The following DCC variants were observed in gnomAD, a reference collection of about 807,000 sequenced individuals.
The protein encoded by DCC is netrin receptor DCC.
A neutral mutation model predicts 172.5 loss-of-function variants in DCC; 58 were observed. That is an observed-to-expected ratio of 0.34 (90% CI 0.27 to 0.42). The LOEUF (loss-of-function observed/expected upper bound fraction) is 0.42. Among genes scored for constraint, DCC ranks in the 10% least tolerant of loss-of-function variants. The pLI is 1.00. For synonymous variants in DCC, 709 were observed against 644.5 expected (o/e 1.10, Z -1.52); for missense variants, 1,740 against 1,791.0 (o/e 0.97, Z 0.51).
At chr18:52,872,455 G>C in intron 2 of DCC, among the ~76,000 whole-genome samples, 1 of 152,200 alleles carries the variant, frequency 6.6e-6, no homozygotes, top group Middle Eastern at 3.4e-3. Flanking sequence ...TACGAATGCC[G>C]ATCTACCCCA....
intron 12 of DCC, among the ~76,000 whole-genome samples, chr18:53,266,624 T>C (rs900329017): frequency 1.3e-5 from 2 of 152,118 alleles, no homozygotes; most frequent in Non-Finnish European, 2.9e-5. Flanking sequence ...ACTCATAGAA[T>C]TGTGCAACCA....
chr18:53,220,112 AG>A (rs2055909276), intron 12 of DCC, among the ~76,000 whole-genome samples: 1 of 151,908 alleles, frequency 6.6e-6, no homozygotes, highest in Non-Finnish European at 1.5e-5. Flanking sequence ...GGAAGGGAGG[AG>A]ATGGGGAAAA....
chr18:53,099,223 C>T (rs1288788988), intron 7 of DCC, among the ~76,000 whole-genome samples: 3 of 152,004 alleles, frequency 2.0e-5, no homozygotes, highest in African/African-American at 4.8e-5. Flanking sequence ...GAAAGAAGAA[C>T]ATTTTCTTCC....
intron 3 of DCC, among the ~76,000 whole-genome samples, chr18:52,907,645 G>A (rs1332879301): frequency 6.6e-6 from 1 of 151,982 alleles, no homozygotes; most frequent in Non-Finnish European, 1.5e-5. Flanking sequence ...CAAACTCCTG[G>A]GCTCCAGCAA....
chr18:53,407,747 G>T (rs1446024151), intron 19 of DCC, among the ~76,000 whole-genome samples: 6 of 151,578 alleles, frequency 4.0e-5, no homozygotes, highest in Non-Finnish European at 1.5e-5. Context: ...CCAGTAGCAG[G>T]GTCTTCTTTT....
At chr18:53,236,329 G>A (rs2056202419) in intron 12 of DCC, among the ~76,000 whole-genome samples, 1 of 152,066 alleles carries the variant, frequency 6.6e-6, no homozygotes, top group Admixed American at 6.6e-5. Context: ...ATAACTAAAA[G>A]TGTTGAATAT....
intron 3 of DCC, among the ~76,000 whole-genome samples, chr18:52,917,661 T>A (rs1259383823): frequency 6.6e-6 from 1 of 152,188 alleles, no homozygotes; most frequent in Non-Finnish European, 1.5e-5. Context: ...TGGTTCCACA[T>A]TTTAAGGCAC....
chr18:52,926,964 GAT>G (rs34799526), intron 5 of DCC, among the ~76,000 whole-genome samples: 1 of 137,658 alleles, frequency 7.3e-6, no homozygotes, highest in Admixed American at 7.2e-5. Flanking sequence ...ACTATATATG[GAT>G]ATATATACAT....
At chr18:53,244,788 A>G (rs1275955614) in intron 12 of DCC, among the ~76,000 whole-genome samples, 4 of 152,104 alleles carry the variant, frequency 2.6e-5, no homozygotes, top group African/African-American at 7.2e-5. Context: ...AGAAGTCACA[A>G]TTTGGAATCT....
intron 1 of DCC, among the ~76,000 whole-genome samples, chr18:52,390,586 T>C (rs1161110980): frequency 6.6e-6 from 1 of 152,154 alleles, no homozygotes; most frequent in African/African-American, 2.4e-5. Flanking sequence ...GGCTTCCACC[T>C]TTTATGCTAC....
At chr18:52,388,507 C>CT (rs148032381) in intron 1 of DCC, among the ~76,000 whole-genome samples, 11,346 of 149,104 alleles carry the variant, frequency 0.076, 720 homozygotes, top group African/African-American at 0.17. Context: ...ATAAGTGCCA[C>CT]TTTTTTTTTT....
chr18:52,453,722 T>C (rs1388082529), intron 1 of DCC, among the ~76,000 whole-genome samples: 1 of 152,204 alleles, frequency 6.6e-6, no homozygotes, highest in Admixed American at 6.5e-5. Flanking sequence ...AAATTTCACA[T>C]ACGAGATTTT....
chr18:53,174,503 G>T (rs879795167), intron 8 of DCC, among the ~76,000 whole-genome samples: 3 of 147,356 alleles, frequency 2.0e-5, no homozygotes, highest in Non-Finnish European at 4.5e-5. Context: ...TATCACCACC[G>T]ATCCCACAGA....
intron 1 of DCC, among the ~76,000 whole-genome samples, chr18:52,506,875 G>C (rs1323260659): frequency 2.0e-5 from 3 of 152,126 alleles, no homozygotes; most frequent in Non-Finnish European, 2.9e-5. Context: ...TAAAGTGACA[G>C]TTGTTACGGA....
chr18:53,500,310 T>C (rs2046081296), intron 27 of DCC, among the ~76,000 whole-genome samples: 1 of 152,046 alleles, frequency 6.6e-6, no homozygotes, highest in Non-Finnish European at 1.5e-5. Context: ...AAATAAATAA[T>C]AGTACTTAAA....
chr18:53,084,598 C>G (rs988938077), intron 7 of DCC, among the ~76,000 whole-genome samples: 1 of 152,298 alleles, frequency 6.6e-6, no homozygotes, highest in South Asian at 2.1e-4. Context: ...CTAACTGGTT[C>G]CCAGCTTTGA....
chr18:52,407,265 T>C (rs1197444058), intron 1 of DCC, among the ~76,000 whole-genome samples: 1 of 152,098 alleles, frequency 6.6e-6, no homozygotes, highest in Admixed American at 6.6e-5. Flanking sequence ...CTTTGTACCT[T>C]AGCGTTGAAG....
chr18:52,948,471 T>G (rs116684171), intron 5 of DCC, among the ~76,000 whole-genome samples: 1 of 152,214 alleles, frequency 6.6e-6, no homozygotes, highest in African/African-American at 2.4e-5. Flanking sequence ...TACCGGATAC[T>G]GTGCAATATA....
chr18:52,845,555 C>G (rs1432799051), intron 2 of DCC, among the ~76,000 whole-genome samples: 1 of 152,158 alleles, frequency 6.6e-6, no homozygotes, highest in Admixed American at 6.5e-5. Context: ...AAACCTGGCA[C>G]CAGCATCAGG....
Sources: allele counts gnomAD v4.1 joint callset (sites outside exome capture counted in the v4.1 genomes callset), GRCh38; gene constraint gnomAD v4.1.1; transcripts MANE v1.5; gene names NCBI Gene and HGNC (gene_info 2026-07-23, HGNC 2026-07-21).